The following PTPRT variants were observed in gnomAD, a reference collection of about 807,000 sequenced individuals.
PTPRT encodes the protein protein tyrosine phosphatase receptor type T, also known as receptor-type tyrosine-protein phosphatase T.
In PTPRT, 56 loss-of-function variants were observed where a neutral mutation model predicts 176.8. The ratio of observed to expected loss-of-function variants is 0.32; its 90% CI spans 0.26 to 0.40. The LOEUF is 0.40. PTPRT is among the 10% of genes least tolerant of loss of function. The pLI, the probability that PTPRT is intolerant of heterozygous loss-of-function variation, is 1.00. For synonymous variants in PTPRT, 783 were observed against 739.0 expected (o/e 1.06, Z -0.96); for missense variants, 1,540 against 1,908.2 (o/e 0.81, Z 3.60).
chr20:42,397,051 G>A (rs148790658), intron 9 of PTPRT, among the ~76,000 whole-genome samples: 137 of 152,160 alleles, frequency 9.0e-4, no homozygotes, highest in African/African-American at 3.0e-3. Context: ...CATTATTGCC[G>A]TCTGATTTAC....
chr20:43,088,231 A>G (rs2146301197), intron 1 of PTPRT, among the ~76,000 whole-genome samples: 1 of 152,288 alleles, frequency 6.6e-6, no homozygotes, highest in Non-Finnish European at 1.5e-5. Flanking sequence ...GTCAACATGA[A>G]TAATACCATC....
At chr20:42,328,629 T>G (rs1028223837) in intron 11 of PTPRT, among the ~76,000 whole-genome samples, 9 of 152,286 alleles carry the variant, frequency 5.9e-5, no homozygotes, top group East Asian at 5.8e-4. Context: ...AAAGATAAAC[T>G]ATAGAATATA....
At chr20:42,973,831 G>T (rs1020253094) in intron 1 of PTPRT, among the ~76,000 whole-genome samples, 1 of 152,162 alleles carries the variant, frequency 6.6e-6, no homozygotes, top group Admixed American at 6.5e-5. Flanking sequence ...GATACATTTT[G>T]TTTGGGGTTA....
chr20:43,140,813 A>G (rs1460976940), intron 1 of PTPRT, among the ~76,000 whole-genome samples: 1 of 152,192 alleles, frequency 6.6e-6, no homozygotes, highest in Non-Finnish European at 1.5e-5. Context: ...TGCTGAATCC[A>G]AGCAGTTTAT....
intron 1 of PTPRT, among the ~76,000 whole-genome samples, chr20:43,118,526 G>A (rs1205010524): frequency 1.3e-5 from 2 of 151,966 alleles, no homozygotes; most frequent in African/African-American, 4.8e-5. Flanking sequence ...TGCAACCTCC[G>A]CCTCCCAGGT....
chr20:42,940,372 G>C (rs1414231158), intron 1 of PTPRT, among the ~76,000 whole-genome samples: 2 of 152,212 alleles, frequency 1.3e-5, no homozygotes, highest in African/African-American at 4.8e-5. Flanking sequence ...CTGGGGAAAT[G>C]AGTTGTATTC....
At chr20:42,986,067 C>T (rs952419840) in intron 1 of PTPRT, among the ~76,000 whole-genome samples, 2 of 152,148 alleles carry the variant, frequency 1.3e-5, no homozygotes, top group African/African-American at 4.8e-5. Flanking sequence ...TCATCTCTAT[C>T]GATCATTCAT....
intron 3 of PTPRT, among the ~76,000 whole-genome samples, chr20:42,790,594 T>C (rs772841049): frequency 1.3e-5 from 2 of 152,178 alleles, no homozygotes; most frequent in Non-Finnish European, 2.9e-5. Context: ...CTTTGCAATG[T>C]ACCTTAAACA....
intron 1 of PTPRT, among the ~76,000 whole-genome samples, chr20:43,161,295 G>A (rs1045164336): frequency 1.1e-4 from 16 of 151,892 alleles, no homozygotes; most frequent in Admixed American, 3.9e-4. Flanking sequence ...TGCGTTTTTC[G>A]TAGGCAAACA....
intron 6 of PTPRT, among the ~76,000 whole-genome samples, chr20:42,755,093 G>A (rs1026318759): frequency 2.0e-5 from 3 of 152,174 alleles, no homozygotes; most frequent in Non-Finnish European, 4.4e-5. Flanking sequence ...AGAAGGAACT[G>A]TGACCACCAG....
intron 1 of PTPRT, among the ~76,000 whole-genome samples, chr20:42,927,837 G>A (rs994844064): frequency 2.6e-5 from 4 of 152,124 alleles, no homozygotes; most frequent in Non-Finnish European, 5.9e-5. Flanking sequence ...ACAAACAGAC[G>A]CTTCCTAATT....
chr20:42,269,014 C>T (rs1283789375), intron 13 of PTPRT, among the ~76,000 whole-genome samples: 2 of 152,202 alleles, frequency 1.3e-5, no homozygotes, highest in African/African-American at 4.8e-5. Flanking sequence ...CTGACCAACA[C>T]CATGGTACAA....
intron 9 of PTPRT, among the ~76,000 whole-genome samples, chr20:42,420,928 C>A (rs2059112684): frequency 6.6e-6 from 1 of 152,120 alleles, no homozygotes; most frequent in Non-Finnish European, 1.5e-5. Context: ...ACTTCTGAAC[C>A]TTAGGAAAGG....
rs148835793 is a variant in PTPRT at position 42,465,946 on chromosome 20, C to T, written c.1450+6320G>A. Among the ~76,000 whole-genome samples the T allele has an allele frequency of 2.7e-3, 414 of 152,160 alleles. 9 individuals are homozygous for T. In the East Asian group the frequency reaches 0.029, roughly 11 times the overall value. ...TCCCTCCCCACACTCCCCCAACAGG[C>T]CCCAGGGTGTGCTGTTCCCCTCCCT... On this transcript the variant is annotated intron_variant, in intron 8 of 30. Transcript: ENST00000373187.
chr20:43,011,381 A>G (rs1347412015), intron 1 of PTPRT, among the ~76,000 whole-genome samples: 1 of 152,114 alleles, frequency 6.6e-6, no homozygotes, highest in Non-Finnish European at 1.5e-5. Context: ...ATTCAACTCA[A>G]CTTCAATAAA....
rs115652022 is a variant in PTPRT, at chr20:42,855,462, T to A, written c.214+30345A>T. Among the ~76,000 whole-genome samples, 559 of 125,178 alleles carry A rather than the reference T, an allele frequency of 4.5e-3. 3 individuals carry two copies. Among genetic ancestry groups the A allele is most frequent in the African/African-American group, 0.018 (532 of 29,624 alleles). The allele number at this position is 125,178 out of a possible 152,430, so 82.1% of individuals were successfully genotyped here. On this transcript the variant is annotated intron_variant, in intron 2 of 30. Coordinates refer to ENST00000373187, the MANE Select transcript of PTPRT (RefSeq NM_007050.6). Reference sequence around the variant, plus strand: ...TTTTTTTTTTTTTTTGGAGACAGAGTCTCACTCCACCCAGGCTGGAGTGCT... The same window carrying A: ...TTTTTTTTTTTTTTTGGAGACAGAGACTCACTCCACCCAGGCTGGAGTGCT...
At chr20:42,275,481 C>T (rs1184695302) in intron 13 of PTPRT, among the ~76,000 whole-genome samples, 1 of 152,150 alleles carries the variant, frequency 6.6e-6, no homozygotes, top group Non-Finnish European at 1.5e-5. Context: ...TCCCAAGGTA[C>T]ATGCTTGAAT....
At chr20:42,735,909 T>TAG (rs2076532946) in intron 6 of PTPRT, among the ~76,000 whole-genome samples, 1 of 152,188 alleles carries the variant, frequency 6.6e-6, no homozygotes, top group South Asian at 2.1e-4. Flanking sequence ...GGTCTTAATG[T>TAG]AGAGAGGTCA....
In PTPRT at chr20:42,492,642, C is replaced by A. The variant is rs6030281; in HGVS notation, c.1154-20080G>T. On this transcript the variant is annotated intron_variant, in intron 7 of 30. Transcript: ENST00000373187. The stretch of plus-strand genomic sequence containing the variant: ...GATTCCTTTATGATTTCCTTTGTAA[C>A]CAAAGTGTTGTTTAGTAACATGTTA... Among the ~76,000 whole-genome samples, 399 of 152,164 alleles carry A rather than the reference C, an allele frequency of 2.6e-3. 2 individuals are homozygous for A. Among genetic ancestry groups the A allele is most frequent in the African/African-American group, 8.7e-3 (363 of 41,514 alleles).
Sources: allele counts gnomAD v4.1 joint callset (sites outside exome capture counted in the v4.1 genomes callset), GRCh38; gene constraint gnomAD v4.1.1; transcripts MANE v1.5; gene names NCBI Gene and HGNC (gene_info 2026-07-23, HGNC 2026-07-21).